Variants in RFX8 observed in about 807,000 individuals in gnomAD.
RFX8 encodes the protein DNA-binding protein RFX8.
RFX8 carries 46 observed loss-of-function variants against 54.6 expected under a neutral mutation model. The observed-to-expected ratio is 0.84, with a 90% CI of 0.67 to 1.08. The LOEUF is 1.08. RFX8 is among the 50% of genes least tolerant of loss of function. The probability of loss-of-function intolerance (pLI) is 0.00; values close to 1 mark genes in which losing one functional copy is unlikely to be tolerated. For missense variants in RFX8, 536 were observed against 562.3 expected (o/e 0.95, Z 0.47); for synonymous variants, 192 against 209.5 (o/e 0.92, Z 0.72).
chr2:101,423,330 T>C (rs974880144), intron 2 of RFX8, among the ~76,000 whole-genome samples: 1 of 151,088 alleles, frequency 6.6e-6, no homozygotes, highest in African/African-American at 2.4e-5. Flanking sequence ...AGAAAGCAAG[T>C]GCGACATTCC....
chr2:101,417,101 C>G (rs1686567968), intron 6 of RFX8, among the ~76,000 whole-genome samples: 1 of 152,254 alleles, frequency 6.6e-6, no homozygotes, highest in South Asian at 2.1e-4. Flanking sequence ...CCTGAGCAGG[C>G]TGGGCCTTCC....
At chr2:101,434,802 C>G (rs1044938663) in intron 2 of RFX8, 3 of 152,138 alleles carry the variant, frequency 2.0e-5, no homozygotes, top group Non-Finnish European at 2.9e-5. Flanking sequence ...TGGACAAGGC[C>G]AAAAAGCGGG....
At chr2:101,449,468 GA>G (rs1252751222) in intron 2 of RFX8, among the ~76,000 whole-genome samples, 5 of 152,190 alleles carry the variant, frequency 3.3e-5, no homozygotes, top group African/African-American at 1.2e-4. Flanking sequence ...AGAACTTAAA[GA>G]GAAAAGTTAA....
chr2:101,447,734 T>C (rs772727209), intron 2 of RFX8, among the ~76,000 whole-genome samples: 1 of 152,240 alleles, frequency 6.6e-6, no homozygotes, highest in Non-Finnish European at 1.5e-5. Flanking sequence ...CATATGTTGA[T>C]ATCCATTAAT....
chr2:101,451,048 G>T (rs896042206), intron 2 of RFX8, among the ~76,000 whole-genome samples: 11 of 151,010 alleles, frequency 7.3e-5, no homozygotes, highest in African/African-American at 2.7e-4. Flanking sequence ...AAGGGAAAAT[G>T]ATACCAAGGC....
chr2:101,464,083 G>C (rs552128197), intron 2 of RFX8, among the ~76,000 whole-genome samples: 2 of 152,330 alleles, frequency 1.3e-5, no homozygotes, highest in African/African-American at 4.8e-5. Context: ...ACACAGAACA[G>C]GAAGATGAAG....
At chr2:101,426,074 G>C (rs1687153305) in intron 2 of RFX8, among the ~76,000 whole-genome samples, 1 of 152,144 alleles carries the variant, frequency 6.6e-6, no homozygotes, top group African/African-American at 2.4e-5. Flanking sequence ...AAAGATACCT[G>C]TTTAAGGCAA....
rs1256242787 is a variant in RFX8, at chr2:101,402,534, T to G, written c.1147A>C (p.Met383Leu). ...ASPSMEPLGV[M>L]PTHMGQGRYP... is the part of the protein sequence containing the mutation. ...CGGCCCTGGCCCATGTGTGTGGGCATCACCCCCAGTGGCTCCATGCTGGGG... is the reference window on the plus strand; with the variant it reads ...CGGCCCTGGCCCATGTGTGTGGGCAGCACCCCCAGTGGCTCCATGCTGGGG... The change falls in exon 11 of 12, where the codon ATG (methionine) becomes CTG (leucine). Residue 383 changes from methionine (M) to leucine (L), a missense_variant. Transcript: ENST00000428343. The G allele has an allele frequency of 6.4e-7, 1 of 1,551,754 alleles. No individual in the cohort carries two copies. Among genetic ancestry groups the G allele is most frequent in the Non-Finnish European group, 8.7e-7 (1 of 1,146,998 alleles).
chr2:101,422,146 C>G (rs997620089), intron 3 of RFX8, among the ~76,000 whole-genome samples: 1 of 152,188 alleles, frequency 6.6e-6, no homozygotes, highest in Admixed American at 6.5e-5. Flanking sequence ...GGGGAAGAGG[C>G]AGTCCCAGCG....
chr2:101,443,451 G>A (rs1330964466), intron 2 of RFX8, among the ~76,000 whole-genome samples: 3 of 152,124 alleles, frequency 2.0e-5, no homozygotes, highest in African/African-American at 4.8e-5. Context: ...ATGTATATAT[G>A]GTTTGTTTTC....
chr2:101,455,633 T>A (rs1420873600), intron 2 of RFX8, among the ~76,000 whole-genome samples: 1 of 152,214 alleles, frequency 6.6e-6, no homozygotes, highest in African/African-American at 2.4e-5. Context: ...GTAGTATAGT[T>A]TGAAGTCAGG....
At chr2:101,450,519 C>T (rs74263247) in intron 2 of RFX8, 68,917 of 725,662 alleles carry the variant, frequency 0.095, 4,375 homozygotes, top group East Asian at 0.25. Context: ...TGAGCCACCA[C>T]ACTTGGCCTG....
At chr2:101,429,067 C>G (rs1558861815) in intron 2 of RFX8, 3 of 1,186,368 alleles carry the variant, frequency 2.5e-6, no homozygotes, top group Non-Finnish European at 2.4e-6. Flanking sequence ...AGACACCTGT[C>G]TCTGAGCAGA....
intron 7 of RFX8, among the ~76,000 whole-genome samples, chr2:101,414,341 C>T (rs1686353327): frequency 2.0e-5 from 3 of 152,100 alleles, no homozygotes; most frequent in Admixed American, 2.0e-4. Flanking sequence ...AATCTTAGCT[C>T]ACTGCAACTT....
chr2:101,440,826 A>G (rs925698050), intron 2 of RFX8, among the ~76,000 whole-genome samples: 4 of 152,200 alleles, frequency 2.6e-5, no homozygotes, highest in Non-Finnish European at 5.9e-5. Flanking sequence ...GCGTTACTCG[A>G]GAAAAAGAAA....
intron 4 of RFX8, 167 bp downstream of exon 4, chr2:101,421,557 C>A: frequency 7.5e-7 from 1 of 1,339,126 alleles, no homozygotes. Context: ...CCTTCCAGAA[C>A]TCAATGACTA....
Position 101,421,496 on chromosome 2 carries a change from G to A in RFX8, c.237+228C>T, listed in dbSNP as rs1686860008. 5.5e-6 allele frequency: 7 copies of A among 1,267,666 alleles called. No homozygotes were observed. In the East Asian group the frequency reaches 2.3e-4, roughly 41 times the overall value. 78.5% of individuals were successfully genotyped at this position (1,267,666 alleles called of 1,614,324 possible). A position where few individuals can be genotyped will look rare whatever the true frequency, so the allele number is the denominator to read the frequency against. On this transcript the variant is annotated intron_variant, in intron 4 of 11. Coordinates refer to ENST00000428343, the MANE Select transcript of RFX8 (RefSeq NM_001145664.2). ...TTGTATTTAGAGCCTAAAGTTATCT[G>A]TATTAGCACCTTGGAGAATTTCCAA...
chr2:101,426,362 C>CA (rs1033662600), intron 2 of RFX8, among the ~76,000 whole-genome samples: 1 of 151,574 alleles, frequency 6.6e-6, no homozygotes. Context: ...AACAAAAACA[C>CA]AAAAAACATT....
At chr2:101,428,279 T>C (rs1480601875) in intron 2 of RFX8, among the ~76,000 whole-genome samples, 3 of 152,140 alleles carry the variant, frequency 2.0e-5, no homozygotes, top group Non-Finnish European at 4.4e-5. Context: ...TCTAATCCCA[T>C]GTGATGGTAT....
Sources: allele counts gnomAD v4.1 joint callset (sites outside exome capture counted in the v4.1 genomes callset), GRCh38; gene constraint gnomAD v4.1.1; transcripts MANE v1.5; gene names NCBI Gene and HGNC (gene_info 2026-07-23, HGNC 2026-07-21).